Variants in CLEC3B observed in about 807,000 individuals in gnomAD.
The protein encoded by CLEC3B is C-type lectin domain family 3 member B, also known as tetranectin.
In CLEC3B, 13 loss-of-function variants were observed where a neutral mutation model predicts 15.4. The ratio of observed to expected loss-of-function variants is 0.84; its 90% CI spans 0.55 to 1.34. The LOEUF is 1.34. Among genes scored for constraint, CLEC3B ranks in the 40% most tolerant of loss-of-function variants. The probability of loss-of-function intolerance (pLI) is 0.00; values close to 1 mark genes in which losing one functional copy is unlikely to be tolerated. For missense variants in CLEC3B, 242 were observed against 268.6 expected (o/e 0.90, Z 0.69); for synonymous variants, 112 against 114.7 (o/e 0.98, Z 0.15).
At chr3:45,030,252 G>A (rs946278132) in intron 1 of CLEC3B, 10 of 982,860 alleles carry the variant, frequency 1.0e-5, no homozygotes, top group Non-Finnish European at 1.1e-5. Flanking sequence ...GCAGCTCTGC[G>A]TTTCAGTTCT....
chr3:45,035,630 G>A lies in CLEC3B; in HGVS notation c.315G>A (p.Leu105=). 1 of 1,614,136 alleles carries A rather than the reference G, an allele frequency of 6.2e-7. No homozygotes were observed. The highest frequency in any genetic ancestry group is 8.5e-7 in the Non-Finnish European group (1 of 1,180,042). Residue 105 remains leucine, a synonymous_variant, in exon 3 of 3, where the codon CTG becomes CTA. Transcript: ENST00000296130. ...SEDCISRGGT[L]GTPQTGSEND... is the part of the protein sequence containing the mutation. ...ACTGCATCTCGCGCGGGGGCACCCTGGGCACCCCTCAGACTGGCTCGGAGA... is the reference window on the plus strand; with the variant it reads ...ACTGCATCTCGCGCGGGGGCACCCTAGGCACCCCTCAGACTGGCTCGGAGA...
intron 2 of CLEC3B, 149 bp downstream of exon 2, chr3:45,031,074 G>A (rs1005472512): frequency 1.5e-5 from 9 of 591,030 alleles, no homozygotes; most frequent in African/African-American, 1.1e-4. Context: ...GGTTCAGGGA[G>A]CCCCACCTCT....
chr3:45,035,744 C>G lies in CLEC3B; in HGVS notation c.429C>G (p.Thr143=). The stretch of plus-strand genomic sequence containing the variant: ...TCAACGACATGGCGGCCGAGGGCAC[C>G]TGGGTGGACATGACCGGCGCCCGCA... ...LGLNDMAAEG[T]WVDMTGARIA... is the part of the protein sequence containing the mutation. The change falls in exon 3 of 3, where the codon ACC becomes ACG. Residue 143 remains threonine (T), a synonymous_variant. Transcript: ENST00000296130. 2 of 1,613,760 alleles carry G rather than the reference C, an allele frequency of 1.2e-6. No individual in the cohort carries two copies. Among genetic ancestry groups the G allele is most frequent in the South Asian group, 2.2e-5 (2 of 91,074 alleles).
chr3:45,026,443 GC>G lies in CLEC3B; in HGVS notation c.84del (p.Lys29ArgfsTer4). On this transcript the variant is annotated frameshift_variant, in exon 1 of 3. Coordinates refer to ENST00000296130, the MANE Select transcript of CLEC3B (RefSeq NM_003278.3). LOFTEE classifies it high-confidence loss of function. The stretch of plus-strand genomic sequence containing the variant: ...TCACCACCGAGCCACCAACCCAGAA[GC>G]CCAAGAAGATTGTAAATGCCAAGAA... ...QVTTEPPTQK[P>X]KKIVNAKKDV... 6.2e-7 allele frequency: 1 copy of G among 1,614,144 alleles called. No individual in the cohort carries two copies. The highest frequency in any genetic ancestry group is 8.5e-7 in the Non-Finnish European group (1 of 1,180,016).
intron 2 of CLEC3B, 27 bp downstream of exon 2, chr3:45,030,952 G>A (rs1342148394): frequency 6.7e-7 from 1 of 1,501,486 alleles, no homozygotes; most frequent in East Asian, 2.4e-5. Flanking sequence ...GCCTCTCTGG[G>A]CAGGAGCGTC....
intron 1 of CLEC3B, among the ~76,000 whole-genome samples, chr3:45,027,210 T>C (rs1697495475): frequency 1.3e-5 from 2 of 152,116 alleles, no homozygotes. Context: ...GAGCAGAGGC[T>C]AGAAGAGAGT....
chr3:45,035,237 C>T (rs1157847416), intron 2 of CLEC3B, among the ~76,000 whole-genome samples: 1 of 152,184 alleles, frequency 6.6e-6, no homozygotes, highest in East Asian at 1.9e-4. Flanking sequence ...GAAGGGGTGT[C>T]AGCTGGGGCT....
intron 2 of CLEC3B, among the ~76,000 whole-genome samples, chr3:45,034,740 T>G (rs1282665001): frequency 6.6e-6 from 1 of 152,220 alleles, no homozygotes; most frequent in Non-Finnish European, 1.5e-5. Flanking sequence ...CAGAGTCCCT[T>G]GCCTGATCGC....
chr3:45,035,313 G>A (rs928545919), intron 2 of CLEC3B, among the ~76,000 whole-genome samples: 2 of 152,134 alleles, frequency 1.3e-5, no homozygotes, highest in Admixed American at 1.3e-4. Flanking sequence ...CCTCCTGAGT[G>A]GGGATCTGGA....
chr3:45,036,005 C>A lies in CLEC3B; in HGVS notation c.*81C>A. 7.2e-7 allele frequency: 1 copy of A among 1,395,430 alleles called. No homozygotes were observed. Among genetic ancestry groups the A allele is most frequent in the African/African-American group, 1.4e-5 (1 of 69,284 alleles). 86.4% of individuals were successfully genotyped at this position (1,395,430 alleles called of 1,614,324 possible). ...GGGAGGAGGGTGGGGACCTTGCAGC[C>A]CCCATCCTCTCCGTGCGCTTGGAGC... On this transcript the variant is annotated 3_prime_UTR_variant, in exon 3 of 3. Transcript: ENST00000296130.
chr3:45,032,673 A>G (rs371733777), intron 2 of CLEC3B, among the ~76,000 whole-genome samples: 1 of 152,256 alleles, frequency 6.6e-6, no homozygotes, highest in East Asian at 1.9e-4. Context: ...ACAAACATGT[A>G]ACTTTGGACA....
chr3:45,028,603 C>T (rs1237017884), intron 1 of CLEC3B, among the ~76,000 whole-genome samples: 2 of 152,132 alleles, frequency 1.3e-5, no homozygotes, highest in African/African-American at 4.8e-5. Flanking sequence ...AATTCAGGTG[C>T]TTGGGCCCCA....
intron 1 of CLEC3B, among the ~76,000 whole-genome samples, chr3:45,029,029 C>T (rs1415980179): frequency 6.6e-6 from 1 of 152,106 alleles, no homozygotes; most frequent in African/African-American, 2.4e-5. Context: ...ACTGGGGGAA[C>T]CTGGAGGGCA....
In CLEC3B at chr3:45,035,617, G is replaced by A; in HGVS notation, c.302G>A (p.Arg101His). Reference protein sequence around the residue: ...FHEASEDCISRGGTLGTPQTG... With the variant: ...FHEASEDCISHGGTLGTPQTG... ...GAGGCCAGCGAGGACTGCATCTCGC[G>A]CGGGGGCACCCTGGGCACCCCTCAG... is the stretch of plus-strand genomic sequence containing the variant. Residue 101 changes from arginine (R) to histidine (H), a missense_variant, in exon 3 of 3, where the codon CGC (arginine) becomes CAC (histidine). Coordinates refer to ENST00000296130, the MANE Select transcript of CLEC3B (RefSeq NM_003278.3). 2.5e-6 allele frequency: 4 copies of A among 1,614,106 alleles called. No individual in the cohort carries two copies. Among genetic ancestry groups the A allele is most frequent in the African/African-American group, 1.3e-5 (1 of 75,066 alleles).
chr3:45,032,138 A>G (rs200222459), intron 2 of CLEC3B, among the ~76,000 whole-genome samples: 2 of 152,168 alleles, frequency 1.3e-5, no homozygotes, highest in African/African-American at 4.8e-5. Flanking sequence ...CCCTGTGTCC[A>G]CAGCCACTCT....
chr3:45,031,039 TC>T, intron 2 of CLEC3B, 114 bp downstream of exon 2: 1 of 707,582 alleles, frequency 1.4e-6, no homozygotes, highest in Non-Finnish European at 2.3e-6. Context: ...GCTCCATTAG[TC>T]CAGGCCTATG....
Position 45,036,062 on chromosome 3 carries a change from G to C in CLEC3B, c.*138G>C, listed in dbSNP as rs1418446459. On this transcript the variant is annotated 3_prime_UTR_variant, in exon 3 of 3. Transcript: ENST00000296130. ...TTGCAAATAAAGTTGGTGCAGCTTCGCGGAGAGGAGAGGCGCTGCAGTCTG... is the reference window on the plus strand; with the variant it reads ...TTGCAAATAAAGTTGGTGCAGCTTCCCGGAGAGGAGAGGCGCTGCAGTCTG... 9.4e-7 allele frequency: 1 copy of C among 1,066,208 alleles called. No homozygotes were observed. The highest frequency in any genetic ancestry group is 1.6e-5 in the African/African-American group (1 of 62,546). 66.0% of individuals were successfully genotyped at this position (1,066,208 alleles called of 1,614,324 possible). A position where few individuals can be genotyped will look rare whatever the true frequency, so the allele number is the denominator to read the frequency against.
chr3:45,028,659 C>T (rs537766038), intron 1 of CLEC3B, among the ~76,000 whole-genome samples: 1 of 152,240 alleles, frequency 6.6e-6, no homozygotes, highest in East Asian at 1.9e-4. Flanking sequence ...TTAGCATCTG[C>T]CTTTTCCACA....
Position 45,035,736 on chromosome 3 carries a change from G to T in CLEC3B, c.421G>T (p.Glu141Ter). 6.2e-7 allele frequency: 1 copy of T among 1,613,740 alleles called. No individual in the cohort carries two copies. The change falls in exon 3 of 3, where the codon GAG (glutamate) becomes TAG (stop). Residue 141 changes from glutamate (E) to a stop codon, truncating the protein, a stop_gained. Transcript: ENST00000296130. LOFTEE classifies it high-confidence loss of function. Reference sequence around the variant, plus strand: ...GCTGGGCCTCAACGACATGGCGGCCGAGGGCACCTGGGTGGACATGACCGG... The same window carrying T: ...GCTGGGCCTCAACGACATGGCGGCCTAGGGCACCTGGGTGGACATGACCGG... ...IWLGLNDMAA[E>*]GTWVDMTGAR...
Sources: gnomAD v4.1 joint callset for allele counts (sites outside exome capture counted in the v4.1 genomes callset) on GRCh38, gnomAD v4.1.1 for gene constraint, MANE v1.5 for transcripts, NCBI Gene and HGNC (gene_info 2026-07-23, HGNC 2026-07-21) for gene names.